The following PRKN variants were observed in gnomAD, a reference collection of about 807,000 sequenced individuals.
PRKN encodes parkin RBR E3 ubiquitin protein ligase.
A neutral mutation model predicts 59.5 loss-of-function variants in PRKN; 56 were observed. That is an observed-to-expected ratio of 0.94 (90% CI 0.76 to 1.18). PRKN has a LOEUF of 1.18. Among genes scored for constraint, PRKN ranks in the 50% most tolerant of loss-of-function variants. PRKN has a pLI of 0.00. For missense variants in PRKN, 657 were observed against 596.4 expected (o/e 1.10, Z -1.06); for synonymous variants, 250 against 222.1 (o/e 1.13, Z -1.12).
At chr6:162,645,075 C>T (rs1181832243) in intron 1 of PRKN, among the ~76,000 whole-genome samples, 5 of 152,138 alleles carry the variant, frequency 3.3e-5, no homozygotes, top group Admixed American at 3.3e-4. Flanking sequence ...ATCTACTTAA[C>T]TGCATATTCA....
chr6:162,180,496 T>C (rs982340871), intron 4 of PRKN, among the ~76,000 whole-genome samples: 1 of 152,162 alleles, frequency 6.6e-6, no homozygotes, highest in Non-Finnish European at 1.5e-5. Context: ...CATATGTGTT[T>C]ACAGTCTCTT....
chr6:161,986,399 C>T (rs1336385368), intron 5 of PRKN, among the ~76,000 whole-genome samples: 1 of 152,144 alleles, frequency 6.6e-6, no homozygotes, highest in Non-Finnish European at 1.5e-5. Context: ...AGCTAATCCC[C>T]AATTTAGGTC....
chr6:161,970,570 T>C (rs1485350687), intron 6 of PRKN, among the ~76,000 whole-genome samples: 1 of 151,440 alleles, frequency 6.6e-6, no homozygotes, highest in African/African-American at 2.4e-5. Flanking sequence ...GGAGTTTCAC[T>C]ATTGTCACCC....
intron 9 of PRKN, among the ~76,000 whole-genome samples, chr6:161,534,815 T>C (rs1297484831): frequency 6.6e-6 from 1 of 152,228 alleles, no homozygotes; most frequent in Non-Finnish European, 1.5e-5. Context: ...ATTTTAAATA[T>C]AAGAAAGAAT....
Position 162,020,332 on chromosome 6 carries a change from CAA to C in PRKN, c.618+33757_618+33758del, listed in dbSNP as rs771141235. Among the ~76,000 whole-genome samples the C allele has an allele frequency of 9.9e-3, 449 of 45,414 alleles. 2 individuals are homozygous for C. The highest frequency in any genetic ancestry group is 0.024 in the Middle Eastern group (1 of 42). The allele number at this position is 45,414 out of a possible 152,430, so 29.8% of individuals were successfully genotyped here. The stretch of plus-strand genomic sequence containing the variant: ...AATGCTGACTAAGTGACCAATGAAT[CAA>C]AAAAAAAAAAAAAAAAAAAAAAAAC... On this transcript the variant is annotated intron_variant, in intron 5 of 11. Transcript: ENST00000366898.
rs769164614 is a variant in PRKN, at chr6:162,197,965, C to G, written c.534+3166G>C. 5.1e-4 allele frequency among the ~76,000 whole-genome samples: 78 copies of G among 152,122 alleles called. 1 individual carries two copies. The highest frequency in any genetic ancestry group is 8.5e-4 in the Non-Finnish European group (58 of 68,032). On this transcript the variant is annotated intron_variant, in intron 4 of 11. Transcript: ENST00000366898. ...AAAGTTATCTGATCTTATAACAAGG[C>G]TTACAGGCTCTTCGAACATAGACAA...
chr6:161,943,125 G>A (rs1779626971), intron 6 of PRKN, among the ~76,000 whole-genome samples: 1 of 152,168 alleles, frequency 6.6e-6, no homozygotes, highest in Admixed American at 6.5e-5. Context: ...AGATATTTTA[G>A]GCTTATTAAC....
At chr6:161,574,076 C>T (rs1187272242) in intron 7 of PRKN, among the ~76,000 whole-genome samples, 1 of 151,788 alleles carries the variant, frequency 6.6e-6, no homozygotes, top group Non-Finnish European at 1.5e-5. Flanking sequence ...ACAAACAAGA[C>T]TAGACACAGC....
chr6:162,271,230 C>A (rs1010335813), intron 2 of PRKN, among the ~76,000 whole-genome samples: 6 of 151,882 alleles, frequency 4.0e-5, no homozygotes, highest in Admixed American at 6.6e-5. Flanking sequence ...CAAGAAAAGA[C>A]AAAACGGCAA....
At chr6:162,118,488 C>T (rs1007342252) in intron 4 of PRKN, among the ~76,000 whole-genome samples, 1 of 152,106 alleles carries the variant, frequency 6.6e-6, no homozygotes, top group African/African-American at 2.4e-5. Context: ...TTAAATGCTT[C>T]CCCTAGTTTT....
intron 9 of PRKN, among the ~76,000 whole-genome samples, chr6:161,472,014 A>C (rs1790814713): frequency 6.6e-6 from 1 of 152,274 alleles, no homozygotes; most frequent in South Asian, 2.1e-4. Context: ...CATTTGAAAA[A>C]TTTTTGAAAA....
At position 162,116,397 on chromosome 6, in the gene PRKN, T is replaced by C. The variant is rs546958096; in HGVS notation, c.535-62223A>G. Among the ~76,000 whole-genome samples the C allele has an allele frequency of 6.0e-4, 91 of 152,298 alleles. 1 individual carries two copies. The highest frequency in any genetic ancestry group is 2.3e-3 in the South Asian group (11 of 4,826). On this transcript the variant is annotated intron_variant, in intron 4 of 11. Transcript: ENST00000366898. ...CAATTGCTGATCAATTTCTGCATTATGATTCTGGCATGAAACAGCTCTCTA... is the reference window on the plus strand; with the variant it reads ...CAATTGCTGATCAATTTCTGCATTACGATTCTGGCATGAAACAGCTCTCTA...
At position 161,588,102 on chromosome 6, in the gene PRKN, G is replaced by T. The variant is rs963635530; in HGVS notation, c.872-18686C>A. Among the ~76,000 whole-genome samples, 17 of 152,122 alleles carry T rather than the reference G, an allele frequency of 1.1e-4. No individual in the cohort carries two copies. Among genetic ancestry groups the T allele is most frequent in the African/African-American group, 3.1e-4 (13 of 41,430 alleles). ...TTAGGATTAAAAATTTACTCTATGG[G>T]GGGCTGGGCGCGGTGGCTCATGCCT... On this transcript the variant is annotated intron_variant, in intron 7 of 11. Transcript: ENST00000366898. This position sits in a 1 kb window ranked among gnomAD's most constrained non-coding sequence, Gnocchi z 5.0.
chr6:162,140,705 C>G (rs1781739895), intron 4 of PRKN, among the ~76,000 whole-genome samples: 1 of 134,552 alleles, frequency 7.4e-6, no homozygotes, highest in African/African-American at 3.1e-5. Flanking sequence ...CTCACCAGTT[C>G]CACAAATGAA....
chr6:162,047,318 C>G (rs940821538), intron 5 of PRKN, among the ~76,000 whole-genome samples: 6 of 152,102 alleles, frequency 3.9e-5, no homozygotes, highest in Non-Finnish European at 7.3e-5. Context: ...TGGGACCCCT[C>G]AAAGCCACAA....
At chr6:162,590,976 G>A (rs780823694) in intron 1 of PRKN, among the ~76,000 whole-genome samples, 1 of 151,970 alleles carries the variant, frequency 6.6e-6, no homozygotes, top group Non-Finnish European at 1.5e-5. Flanking sequence ...CACCAGGTCT[G>A]ATGATATCAT....
At position 161,989,555 on chromosome 6, in the gene PRKN, C is replaced by T. The variant is rs143587908; in HGVS notation, c.619-16138G>A. On this transcript the variant is annotated intron_variant, in intron 5 of 11. Coordinates refer to ENST00000366898, the MANE Select transcript of PRKN (RefSeq NM_004562.3). The stretch of plus-strand genomic sequence containing the variant: ...TCAGTTACACCCCCCACCACCTCTG[C>T]TGGCACCCAAGCATGCTATATGGGG... Among the ~76,000 whole-genome samples the T allele has an allele frequency of 3.3e-3, 508 of 152,266 alleles. 2 individuals carry two copies. The highest frequency in any genetic ancestry group is 5.6e-3 in the Non-Finnish European group (384 of 68,004).
chr6:161,548,828 G>A lies in PRKN; in HGVS notation c.1083+26C>T, dbSNP rs1293955064. On this transcript the variant is annotated intron_variant, in intron 9 of 11. Transcript: ENST00000366898. This position sits in a 1 kb window ranked among gnomAD's most constrained non-coding sequence, Gnocchi z 4.2. ...AAGCAAACAAGGACAGGAACACACC[G>A]CTCCAGGGGTGTGGGCAGTACTCAC... 1.9e-5 allele frequency: 31 copies of A among 1,608,816 alleles called. No individual in the cohort carries two copies. Among genetic ancestry groups the A allele is most frequent in the Admixed American group, 1.5e-4 (9 of 59,942 alleles).
At chr6:162,089,890 AG>A (rs1339725104) in intron 4 of PRKN, among the ~76,000 whole-genome samples, 1 of 152,158 alleles carries the variant, frequency 6.6e-6, no homozygotes, top group Non-Finnish European at 1.5e-5. Flanking sequence ...GAGGGAAGTG[AG>A]CAGGGGCATG....
Sources: allele counts gnomAD v4.1 joint callset (sites outside exome capture counted in the v4.1 genomes callset), GRCh38; gene constraint gnomAD v4.1.1; non-coding constraint Gnocchi (gnomAD v3.1); transcripts MANE v1.5; gene names NCBI Gene and HGNC (gene_info 2026-07-23, HGNC 2026-07-21).